Variants in VPS54 observed in about 807,000 individuals in gnomAD.
The protein encoded by VPS54 is vacuolar protein sorting-associated protein 54.
In VPS54, 45 loss-of-function variants were observed where a neutral mutation model predicts 121.5. The observed-to-expected ratio is 0.37, with a 90% CI of 0.29 to 0.47. VPS54 has a LOEUF of 0.47. Ranked by LOEUF, VPS54 falls within the 20% of genes least tolerant of loss-of-function variation. The pLI is 0.99. For missense variants in VPS54, 1,090 were observed against 1,131.4 expected (o/e 0.96, Z 0.52); for synonymous variants, 371 against 385.8 (o/e 0.96, Z 0.45).
intron 7 of VPS54, among the ~76,000 whole-genome samples, chr2:63,951,995 G>A (rs1033164099): frequency 1.3e-5 from 2 of 152,110 alleles, no homozygotes; most frequent in African/African-American, 4.8e-5. Flanking sequence ...GAATATCAAT[G>A]GTGGTAGCTC....
At chr2:63,917,452 T>C (rs1673436062) in intron 15 of VPS54, among the ~76,000 whole-genome samples, 2 of 152,174 alleles carry the variant, frequency 1.3e-5, no homozygotes, top group South Asian at 4.1e-4. Context: ...AGATTATATA[T>C]TTAATTTTTA....
intron 1 of VPS54, among the ~76,000 whole-genome samples, chr2:63,984,647 C>A (rs1346946290): frequency 6.6e-6 from 1 of 152,128 alleles, no homozygotes; most frequent in East Asian, 1.9e-4. Context: ...TAATTAAATT[C>A]TTTAAAAAGG....
At chr2:63,985,710 C>T (rs75536099) in intron 1 of VPS54, among the ~76,000 whole-genome samples, 3 of 131,352 alleles carry the variant, frequency 2.3e-5, no homozygotes, top group East Asian at 4.1e-4. Context: ...CACACACACA[C>T]ACACACACAG....
intron 1 of VPS54, among the ~76,000 whole-genome samples, chr2:63,991,711 G>T (rs373700580): frequency 6.6e-6 from 1 of 152,014 alleles, no homozygotes; most frequent in African/African-American, 2.4e-5. Context: ...CACAGAACCA[G>T]GGAAATGGGA....
chr2:64,017,021 T>TAA (rs777168254), intron 1 of VPS54, among the ~76,000 whole-genome samples: 2,635 of 100,240 alleles, frequency 0.026, 105 homozygotes, highest in African/African-American at 0.091. Flanking sequence ...TTTTGTTGAT[T>TAA]AAAAAAAAAA....
chr2:63,949,765 C>T (rs1675153872), intron 7 of VPS54, among the ~76,000 whole-genome samples: 1 of 152,000 alleles, frequency 6.6e-6, no homozygotes, highest in Non-Finnish European at 1.5e-5. Context: ...ATAACTTTAC[C>T]GAAATGCACT....
At chr2:63,934,764 C>T (rs987748554) in intron 11 of VPS54, among the ~76,000 whole-genome samples, 9 of 152,164 alleles carry the variant, frequency 5.9e-5, no homozygotes, top group Non-Finnish European at 1.2e-4. Flanking sequence ...AGCTCCATTC[C>T]ATGACACTGT....
chr2:63,942,426 T>C (rs369071065), intron 11 of VPS54, 39 bp downstream of exon 11: 132 of 1,409,566 alleles, frequency 9.4e-5, no homozygotes, highest in Non-Finnish European at 5.6e-5. Context: ...GCTGACTTAA[T>C]TTTAGGGATA....
intron 5 of VPS54, among the ~76,000 whole-genome samples, chr2:63,967,375 A>G (rs1305855530): frequency 1.3e-5 from 2 of 152,074 alleles, no homozygotes; most frequent in Non-Finnish European, 2.9e-5. Flanking sequence ...TAATTTATTA[A>G]AGAGACCCCA....
At chr2:63,923,564 A>G (rs1673749277) in intron 12 of VPS54, among the ~76,000 whole-genome samples, 1 of 152,228 alleles carries the variant, frequency 6.6e-6, no homozygotes, top group Non-Finnish European at 1.5e-5. Context: ...TGATATATAC[A>G]TATACATCTT....
At chr2:64,006,503 C>G (rs1244788744) in intron 1 of VPS54, among the ~76,000 whole-genome samples, 1 of 152,172 alleles carries the variant, frequency 6.6e-6, no homozygotes, top group African/African-American at 2.4e-5. Context: ...TAAAATGGGA[C>G]AGCAGCAGTA....
intron 7 of VPS54, among the ~76,000 whole-genome samples, chr2:63,956,662 A>G (rs185101483): frequency 6.6e-6 from 1 of 152,282 alleles, no homozygotes; most frequent in African/African-American, 2.4e-5. Flanking sequence ...ATATGACCTC[A>G]GTTTTCCTAT....
chr2:63,924,206 A>G (rs1379000050), intron 12 of VPS54, among the ~76,000 whole-genome samples: 1 of 152,210 alleles, frequency 6.6e-6, no homozygotes, highest in African/African-American at 2.4e-5. Context: ...ATCTTTCAGT[A>G]TCTGTTCTCT....
chr2:63,983,475 G>GC (rs575117961), intron 2 of VPS54, among the ~76,000 whole-genome samples: 7,759 of 110,224 alleles, frequency 0.07, 299 homozygotes, highest in Middle Eastern at 0.19. Context: ...GATGGAGTCT[G>GC]TCTGTCACCC....
chr2:64,010,842 T>TAGTCCTCTTGAGC (rs1398589071), intron 1 of VPS54, among the ~76,000 whole-genome samples: 1 of 152,220 alleles, frequency 6.6e-6, no homozygotes, highest in African/African-American at 2.4e-5. Context: ...AGTACTTCTA[T>TAGTCCTCTTGAGC]AGTCCTCTTG....
intron 6 of VPS54, 124 bp from the exon 7 acceptor site, chr2:63,962,567 G>A (rs765987819): frequency 9.1e-6 from 11 of 1,207,252 alleles, no homozygotes; most frequent in Middle Eastern, 2.6e-4. Flanking sequence ...TGAATTGTTT[G>A]ATTGTGAGAT....
chr2:63,989,479 A>G (rs530794324), intron 1 of VPS54, among the ~76,000 whole-genome samples: 5 of 152,154 alleles, frequency 3.3e-5, no homozygotes, highest in South Asian at 2.1e-4. Flanking sequence ...TATTTCTCAG[A>G]CTGGCTGACA....
chr2:63,972,892 A>C (rs1363279509), intron 3 of VPS54, among the ~76,000 whole-genome samples: 1 of 152,100 alleles, frequency 6.6e-6, no homozygotes, highest in African/African-American at 2.4e-5. Context: ...AAAAAGAAAA[A>C]AAGGAAAGAA....
chr2:63,975,050 T>G, intron 3 of VPS54: 1 of 1,547,744 alleles, frequency 6.5e-7, no homozygotes, highest in South Asian at 1.2e-5. Flanking sequence ...TTGTAGATTT[T>G]TTTTTTCTTT....
Sources: gnomAD v4.1 joint callset for allele counts (sites outside exome capture counted in the v4.1 genomes callset) on GRCh38, gnomAD v4.1.1 for gene constraint, MANE v1.5 for transcripts, NCBI Gene and HGNC (gene_info 2026-07-23, HGNC 2026-07-21) for gene names.